Variants in CLK4 observed in about 807,000 individuals in gnomAD.
CLK4 encodes the protein dual specificity protein kinase CLK4.
CLK4 carries 37 observed loss-of-function variants against 64.4 expected under a neutral mutation model. The ratio of observed to expected loss-of-function variants is 0.57; its 90% CI spans 0.44 to 0.76. CLK4 has a LOEUF of 0.76. Among genes scored for constraint, CLK4 ranks in the 30% least tolerant of loss-of-function variants. CLK4 has a pLI of 0.00. For missense variants in CLK4, 457 were observed against 605.1 expected (o/e 0.76, Z 2.57); for synonymous variants, 175 against 191.6 (o/e 0.91, Z 0.72).
At chr5:178,616,120 T>G (rs185566906) in intron 5 of CLK4, among the ~76,000 whole-genome samples, 1 of 152,258 alleles carries the variant, frequency 6.6e-6, no homozygotes, top group Admixed American at 6.5e-5. Flanking sequence ...AGACGGATTT[T>G]CACTCGTTGC....
At chr5:178,611,865 C>T (rs1488128344) in intron 9 of CLK4, among the ~76,000 whole-genome samples, 1 of 152,156 alleles carries the variant, frequency 6.6e-6, no homozygotes. Context: ...TTTATTAACA[C>T]ACCTGATCTA....
rs1764411359 is a variant in CLK4 at position 178,603,287 on chromosome 5, C to T, written c.*330G>A. Reference sequence around the variant, plus strand: ...TAAGAATATAAAGTAGTCAAGATTTCCTTTTACTCAAAAAAAATCACTTCA... The same window carrying T: ...TAAGAATATAAAGTAGTCAAGATTTTCTTTTACTCAAAAAAAATCACTTCA... On this transcript the variant is annotated 3_prime_UTR_variant, in exon 13 of 13. Coordinates refer to ENST00000316308, the MANE Select transcript of CLK4 (RefSeq NM_020666.3). 6.1e-6 allele frequency: 1 copy of T among 162,802 alleles called. No individual in the cohort carries two copies. Among genetic ancestry groups the T allele is most frequent in the East Asian group, 1.7e-4 (1 of 5,884 alleles). 10.1% of individuals were successfully genotyped at this position (162,802 alleles called of 1,614,324 possible).
At chr5:178,616,368 G>A (rs1183602660) in intron 5 of CLK4, among the ~76,000 whole-genome samples, 4 of 152,170 alleles carry the variant, frequency 2.6e-5, no homozygotes, top group African/African-American at 7.2e-5. Flanking sequence ...AAAGTGCTGC[G>A]ATTACAGGAG....
intron 5 of CLK4, among the ~76,000 whole-genome samples, chr5:178,615,347 C>A (rs1764613177): frequency 6.6e-6 from 1 of 152,040 alleles, no homozygotes. Flanking sequence ...AATGATAAAG[C>A]AAATCTTATA....
chr5:178,616,723 GA>G (rs1431993879), intron 5 of CLK4, among the ~76,000 whole-genome samples, 158 bp downstream of exon 5: 3 of 152,180 alleles, frequency 2.0e-5, no homozygotes, highest in Non-Finnish European at 4.4e-5. Context: ...TTGAAGCCGG[GA>G]GGCGGCAGTT....
Position 178,617,711 on chromosome 5 carries a change from T to C in CLK4, c.385-277A>G. ...AAACAACACAATTGTCTCTTTAAAA[T>C]ACTGATTTAATTGAAGTCTGAAATT... On this transcript the variant is annotated intron_variant, in intron 3 of 12. Coordinates refer to ENST00000316308, the MANE Select transcript of CLK4 (RefSeq NM_020666.3). This position sits in a 1 kb window ranked among gnomAD's most constrained non-coding sequence, Gnocchi z 5.2. 4.2e-6 allele frequency: 1 copy of C among 237,576 alleles called. No homozygotes were observed. 14.7% of individuals were successfully genotyped at this position (237,576 alleles called of 1,614,324 possible).
Position 178,626,145 on chromosome 5 carries a change from C to T in CLK4, c.-1+801G>A, listed in dbSNP as rs142417587. On this transcript the variant is annotated intron_variant, in intron 1 of 12. Transcript: ENST00000316308. The stretch of plus-strand genomic sequence containing the variant: ...TTAGGATTGGATGGCTCCAAGAGGA[C>T]TGCATTTAATGGGTTACAAGCCTGT... 1.7e-3 allele frequency among the ~76,000 whole-genome samples: 260 copies of T among 152,272 alleles called. 2 individuals are homozygous for T. The highest frequency in any genetic ancestry group is 6.0e-3 in the African/African-American group (248 of 41,552).
rs142631847 is a variant in CLK4 at position 178,618,621 on chromosome 5, G to A, written c.319C>T (p.Arg107Cys). The change falls in exon 3 of 13, where the codon CGC becomes TGC. Residue 107 changes from arginine (R) to cysteine (C), a missense_variant. By Grantham distance (180) the Arg-to-Cys change is radical. Transcript: ENST00000316308. ...CTTTTAGGACTGCTTCTCCTGCTGC[G>A]GACTGAAGATTTACTGCAGTGGATT... ...YRIHCSKSSV[R>C]SRRSSPKRKR... The A allele has an allele frequency of 6.8e-6, 11 of 1,613,830 alleles. No individual in the cohort carries two copies. The highest frequency in any genetic ancestry group is 4.4e-5 in the South Asian group (4 of 91,074).
rs1021163124 is a variant in CLK4, at chr5:178,602,994, A to G, written c.*623T>C. The G allele has an allele frequency of 1.3e-4, 20 of 152,252 alleles. No homozygotes were observed. Among genetic ancestry groups the G allele is most frequent in the African/African-American group, 4.6e-4 (19 of 41,462 alleles). 9.4% of individuals were successfully genotyped at this position (152,252 alleles called of 1,614,324 possible). ...TTCCAGTTAGATTTTAATCTTAAATAAAGTGTGTATGTGGTTTTATTAAAC... is the reference window on the plus strand; with the variant it reads ...TTCCAGTTAGATTTTAATCTTAAATGAAGTGTGTATGTGGTTTTATTAAAC... On this transcript the variant is annotated 3_prime_UTR_variant, in exon 13 of 13. Transcript: ENST00000316308.
rs1764575696 is a variant in CLK4, at chr5:178,612,808, A to C, written c.909T>G (p.Tyr303Ter). Residue 303 changes from tyrosine to a stop codon, truncating the protein, a stop_gained, in exon 8 of 13, where the codon TAT becomes TAG. Transcript: ENST00000316308. LOFTEE classifies it high-confidence loss of function. ...LFVKSDYVVK[Y>*]NSKMKRDERT... ...GTCTTTAACTTACCATTTTAGAATT[A>C]TATTTGACTACATAGTCAGACTTCA... 6.5e-7 allele frequency: 1 copy of C among 1,538,680 alleles called. No homozygotes were observed. The highest frequency in any genetic ancestry group is 8.9e-7 in the Non-Finnish European group (1 of 1,117,776).
At chr5:178,619,669 C>A in intron 2 of CLK4, 1 of 654,578 alleles carries the variant, frequency 1.5e-6, no homozygotes. Context: ...TGAAAATCTG[C>A]TGAAAGCCAT....
chr5:178,619,118 A>G (rs1317854476), intron 2 of CLK4, among the ~76,000 whole-genome samples: 2 of 152,208 alleles, frequency 1.3e-5, no homozygotes, highest in Non-Finnish European at 2.9e-5. Context: ...CAGAGGTACA[A>G]TCAGAGGCAG....
chr5:178,616,852 G>A, intron 5 of CLK4, 30 bp downstream of exon 5: 1 of 1,500,034 alleles, frequency 6.7e-7, no homozygotes. Flanking sequence ...AAAAACATCA[G>A]AATGTTTGAA....
At chr5:178,604,007 G>A (rs181595313) in intron 11 of CLK4, 73 bp from the exon 12 acceptor site, 2 of 1,128,452 alleles carry the variant, frequency 1.8e-6, no homozygotes, top group South Asian at 1.4e-5. Context: ...CCCATGAGGG[G>A]AGACATGGAA....
At chr5:178,605,209 C>T in intron 11 of CLK4, 94 bp downstream of exon 11, 2 of 638,774 alleles carry the variant, frequency 3.1e-6, no homozygotes, top group Admixed American at 3.5e-5. Flanking sequence ...ATCTATAGTC[C>T]TTGGAATCAG....
rs960504024 is a variant in CLK4, at chr5:178,623,261, A to G, written c.156T>C (p.Ser52=). ...TAGTTCAAGAGTTAATTTACCAATC[A>G]GATTCTTTAAACTGGTGATGTGGTT... The part of the protein sequence containing the change: ...HCKPHHQFKE[S]DCHYLEARSL... The change falls in exon 2 of 13, where the codon TCT becomes TCC. Residue 52 remains serine, a synonymous_variant. Coordinates refer to ENST00000316308, the MANE Select transcript of CLK4 (RefSeq NM_020666.3). 25 of 1,613,298 alleles carry G rather than the reference A, an allele frequency of 1.5e-5. No individual in the cohort carries two copies. Among genetic ancestry groups the G allele is most frequent in the Non-Finnish European group, 2.1e-5 (25 of 1,179,626 alleles).
rs1764571354 is a variant in CLK4 at position 178,612,520 on chromosome 5, T to A, written c.947A>T (p.Asn316Ile). 1 of 1,614,110 alleles carries A rather than the reference T, an allele frequency of 6.2e-7. No homozygotes were observed. Among genetic ancestry groups the A allele is most frequent in the Admixed American group, 1.7e-5 (1 of 60,022 alleles). The stretch of plus-strand genomic sequence containing the variant: ...AAAGTCAACAACTTTGATATCTGTG[T>A]TTTTCAGTGTGCGTTCATCACGTTT... ...KMKRDERTLKNTDIKVVDFGS... is the reference protein window; with the variant it reads ...KMKRDERTLKITDIKVVDFGS... The change falls in exon 9 of 13, where the codon AAC becomes ATC. Residue 316 changes from asparagine to isoleucine, a missense_variant. Transcript: ENST00000316308.
At chr5:178,616,974 G>GT in intron 4 of CLK4, 26 bp from the exon 5 acceptor site, 1 of 1,509,710 alleles carries the variant, frequency 6.6e-7, no homozygotes, top group Non-Finnish European at 9.2e-7. Flanking sequence ...AAAAAGAGGT[G>GT]TAAGTACCTG....
Position 178,617,319 on chromosome 5 carries a change from A to G in CLK4, c.475+25T>C. On this transcript the variant is annotated intron_variant, in intron 4 of 12. Transcript: ENST00000316308. The surrounding 1 kb of genome is among the most constrained non-coding windows in gnomAD (Gnocchi z 5.2). ...AAGATTATTCTTTCTGCAAAGTTTA[A>G]AAAGTGTTGAAAAATATTCTATACA... is the stretch of plus-strand genomic sequence containing the variant. 6.4e-7 allele frequency: 1 copy of G among 1,561,508 alleles called. No individual in the cohort carries two copies. Among genetic ancestry groups the G allele is most frequent in the Non-Finnish European group, 8.8e-7 (1 of 1,132,114 alleles).
Sources: gnomAD v4.1 joint callset for allele counts (sites outside exome capture counted in the v4.1 genomes callset) on GRCh38, gnomAD v4.1.1 for gene constraint, Gnocchi (gnomAD v3.1) non-coding constraint, MANE v1.5 for transcripts, NCBI Gene and HGNC (gene_info 2026-07-23, HGNC 2026-07-21) for gene names.